Variants in LEPR observed in about 807,000 individuals in gnomAD.
LEPR encodes the protein OB receptor.
Under a neutral mutation model 114.7 loss-of-function variants are expected in LEPR, and 56 were observed. That is an observed-to-expected ratio of 0.49 (90% confidence interval 0.39 to 0.61). The LOEUF (loss-of-function observed/expected upper bound fraction) is 0.61. Ranked by LOEUF, LEPR falls within the 20% of genes least tolerant of loss-of-function variation. The pLI, the probability that LEPR is intolerant of heterozygous loss-of-function variation, is 0.00. For synonymous variants in LEPR, 443 were observed against 461.4 expected, an observed-to-expected ratio of 0.96 and a Z score of 0.51; for missense variants, 1,202 against 1,352.9, an observed-to-expected ratio of 0.89 and a Z score of 1.75.
chr1:65,523,205 GC>G (rs1296803633), intron 2 of LEPR, among the ~76,000 whole-genome samples: 5 of 152,176 alleles, frequency 3.3e-5, no homozygotes, highest in African/African-American at 1.2e-4. Context: ...TTCAAGTATT[GC>G]CTGAAACTCA....
intron 2 of LEPR, among the ~76,000 whole-genome samples, chr1:65,491,300 T>C (rs1356473572): frequency 6.6e-6 from 1 of 152,088 alleles, no homozygotes; most frequent in Non-Finnish European, 1.5e-5. Flanking sequence ...TATTTTCGTA[T>C]GTACACAGAA....
chr1:65,441,785 G>A (rs977070032), intron 2 of LEPR, among the ~76,000 whole-genome samples: 2 of 152,172 alleles, frequency 1.3e-5, no homozygotes, highest in African/African-American at 4.8e-5. Flanking sequence ...CTAAAACAGT[G>A]CCAGGGAGAC....
intron 10 of LEPR, among the ~76,000 whole-genome samples, chr1:65,603,426 A>G (rs1433235830): frequency 1.3e-5 from 2 of 152,218 alleles, no homozygotes; most frequent in African/African-American, 2.4e-5. Flanking sequence ...TAGAAAATAG[A>G]AAATGACAGA....
At chr1:65,522,978 C>T (rs553741447) in intron 2 of LEPR, among the ~76,000 whole-genome samples, 1 of 152,208 alleles carries the variant, frequency 6.6e-6, no homozygotes, top group South Asian at 2.1e-4. Context: ...GGTATTTACT[C>T]ATGTATTCAT....
intron 2 of LEPR, among the ~76,000 whole-genome samples, chr1:65,466,303 T>A (rs1440241611): frequency 6.6e-6 from 1 of 152,224 alleles, no homozygotes; most frequent in Non-Finnish European, 1.5e-5. Context: ...TGGCTGCATA[T>A]GAGATTCTGG....
chr1:65,621,210 A>G (rs1657860892), intron 17 of LEPR, 143 bp from the exon 18 acceptor site: 3 of 701,654 alleles, frequency 4.3e-6, no homozygotes, highest in South Asian at 1.9e-5. Context: ...ACATATTTTT[A>G]TCTTCATTTT....
chr1:65,519,092 A>T (rs1269208248), intron 2 of LEPR, among the ~76,000 whole-genome samples: 596 of 76,916 alleles, frequency 7.7e-3, no homozygotes, highest in South Asian at 0.01. Flanking sequence ...CCTTCCTTCC[A>T]TCCTCTGTGT....
Position 65,610,081 on chromosome 1 carries a change from C to T in LEPR, c.1887C>T (p.Ala629=), listed in dbSNP as rs764846657. 26 of 1,614,054 alleles carry T rather than the reference C, an allele frequency of 1.6e-5. No individual in the cohort carries two copies. Among genetic ancestry groups the T allele is most frequent in the Non-Finnish European group, 2.1e-5 (25 of 1,180,026 alleles). The change falls in exon 13 of 20, where the codon GCC becomes GCT. Residue 629 remains alanine, a synonymous_variant. Transcript: ENST00000349533. ...ATTGGAGTAATTGGAGCAATCCAGC[C>T]TACACAGTTGTCATGGATATAAAAG... ...LGYWSNWSNP[A]YTVVMDIKVP... is the part of the protein sequence containing the mutation.
chr1:65,456,172 G>T (rs986069358), intron 2 of LEPR, among the ~76,000 whole-genome samples: 1 of 151,922 alleles, frequency 6.6e-6, no homozygotes, highest in African/African-American at 2.4e-5. Context: ...ATTGACCTGC[G>T]CCCACTGTCT....
chr1:65,457,332 T>G (rs1462285644), intron 2 of LEPR, among the ~76,000 whole-genome samples: 1 of 152,184 alleles, frequency 6.6e-6, no homozygotes, highest in Non-Finnish European at 1.5e-5. Context: ...ATATTATGCA[T>G]ATGTTTATAT....
chr1:65,634,230 A>G, intron 19 of LEPR: 6 of 957,598 alleles, frequency 6.3e-6, no homozygotes, highest in Non-Finnish European at 7.5e-6. Context: ...ATATATGTAT[A>G]TATGGATCCC....
chr1:65,621,315 C>G (rs774819875), intron 17 of LEPR, 38 bp from the exon 18 acceptor site: 1 of 1,560,168 alleles, frequency 6.4e-7, no homozygotes, highest in South Asian at 1.1e-5. Context: ...AATATTTCCT[C>G]AAGTTTCTGA....
At chr1:65,602,272 T>G (rs1388118229) in intron 10 of LEPR, among the ~76,000 whole-genome samples, 1 of 152,044 alleles carries the variant, frequency 6.6e-6, no homozygotes, top group Non-Finnish European at 1.5e-5. Context: ...TATTTTAATT[T>G]GACTTAGTTG....
At chr1:65,624,526 G>A (rs1387852260) in intron 19 of LEPR, among the ~76,000 whole-genome samples, 1 of 152,124 alleles carries the variant, frequency 6.6e-6, no homozygotes, top group East Asian at 1.9e-4. Context: ...AAAAAACTTA[G>A]GTTGGTGCAA....
chr1:65,538,483 A>C (rs998311071), intron 2 of LEPR, among the ~76,000 whole-genome samples: 3 of 152,160 alleles, frequency 2.0e-5, no homozygotes, highest in Non-Finnish European at 2.9e-5. Context: ...TTTTGCTGGA[A>C]TACTTTATAA....
chr1:65,576,637 C>G (rs1654604521), intron 5 of LEPR: 1 of 155,494 alleles, frequency 6.4e-6, no homozygotes, highest in African/African-American at 2.4e-5. Context: ...TAACTTCTTT[C>G]TCAATTCAAC....
chr1:65,614,681 C>T (rs1657415163), intron 14 of LEPR, among the ~76,000 whole-genome samples: 1 of 152,074 alleles, frequency 6.6e-6, no homozygotes, highest in Non-Finnish European at 1.5e-5. Context: ...CAGGATGATC[C>T]ATGTGGCAAT....
chr1:65,570,780 T>C lies in LEPR; in HGVS notation c.348T>C (p.Asn116=). 6.4e-7 allele frequency: 1 copy of C among 1,560,328 alleles called. No individual in the cohort carries two copies. The highest frequency in any genetic ancestry group is 1.2e-5 in the South Asian group (1 of 81,668). ...GAAAGACATTTGTTTCAACAGTAAA[T>C]TCTTTAGTTTTTCAACAAATAGGTA... The part of the protein sequence containing the change: ...IEGKTFVSTV[N]SLVFQQIDAN... The change falls in exon 4 of 20, where the codon AAT becomes AAC. Residue 116 remains asparagine, a synonymous_variant. Transcript: ENST00000349533.
intron 2 of LEPR, chr1:65,434,857 C>G (rs1281335639): frequency 7.1e-6 from 7 of 985,470 alleles, no homozygotes; most frequent in South Asian, 4.7e-5. Flanking sequence ...AGTCAGTTCT[C>G]TAAGTACAGC....
Sources: gnomAD v4.1 joint callset for allele counts (sites outside exome capture counted in the v4.1 genomes callset) on GRCh38, gnomAD v4.1.1 for gene constraint, MANE v1.5 for transcripts, NCBI Gene and HGNC (gene_info 2026-07-23, HGNC 2026-07-21) for gene names.